Variants in USP40 observed in about 807,000 individuals in gnomAD.
USP40 encodes ubiquitin specific peptidase 40.
USP40 carries 143 observed loss-of-function variants against 166.2 expected under a neutral mutation model. The ratio of observed to expected loss-of-function variants is 0.86; its 90% CI spans 0.75 to 0.99. The LOEUF is 0.99. Ranked by LOEUF, USP40 falls within the 50% of genes least tolerant of loss-of-function variation. USP40 has a pLI of 0.00. For missense variants in USP40, 1,444 were observed against 1,479.7 expected (o/e 0.98, Z 0.40); for synonymous variants, 498 against 524.0 (o/e 0.95, Z 0.68).
chr2:233,498,848 A>G lies in USP40; in HGVS notation c.2651-236T>C, dbSNP rs917527590. On this transcript the variant is annotated intron_variant, in intron 22 of 31. Transcript: ENST00000678225. Reference sequence around the variant, plus strand: ...CCTGGAAAGTTGCTTCAGTTATCTTAGATTTATTTTTTTCATTCATTTTAC... The same window carrying G: ...CCTGGAAAGTTGCTTCAGTTATCTTGGATTTATTTTTTTCATTCATTTTAC... 5.3e-5 allele frequency among the ~76,000 whole-genome samples: 8 copies of G among 152,302 alleles called. No individual in the cohort carries two copies. In the South Asian group the frequency reaches 1.7e-3, roughly 32 times the overall value.
In USP40 at chr2:233,540,736, C is replaced by T. The variant is rs188718238; in HGVS notation, c.1096G>A (p.Gly366Ser). The stretch of plus-strand genomic sequence containing the variant: ...CCTATCTTTTTCAAAAGTTTCTGGC[C>T]CAGCTGATCAACAGGAATTAGATTA... ...ENNLIPVDQL[G>S]QKLLKKIGIS... The change falls in exon 10 of 32, where the codon GGC becomes AGC. Residue 366 changes from glycine to serine, a missense_variant. Gly to Ser is a moderately conservative substitution (Grantham distance 56, BLOSUM62 0). Transcript: ENST00000678225. 1,026 of 1,613,238 alleles carry T rather than the reference C, an allele frequency of 6.4e-4. 14 individuals are homozygous for T. In the East Asian group the frequency reaches 0.015, roughly 24 times the overall value.
At chr2:233,482,438 G>A (rs2064674747) in intron 30 of USP40, among the ~76,000 whole-genome samples, 1 of 151,780 alleles carries the variant, frequency 6.6e-6, no homozygotes. Context: ...GCATATCCAT[G>A]TGTCTCCACA....
intron 3 of USP40, 23 bp from the exon 4 acceptor site, chr2:233,559,947 T>C (rs750755612): frequency 1.0e-4 from 154 of 1,542,632 alleles, no homozygotes; most frequent in Non-Finnish European, 1.4e-4. Context: ...CAAACACATT[T>C]CTAAATGAAT....
intron 31 of USP40, among the ~76,000 whole-genome samples, chr2:233,479,925 C>T (rs2125017872): frequency 6.6e-6 from 1 of 150,942 alleles, no homozygotes; most frequent in Non-Finnish European, 1.5e-5. Flanking sequence ...GCTTGCGGAG[C>T]TCACACAGTC....
At chr2:233,558,032 T>C (rs2071255415) in intron 4 of USP40, among the ~76,000 whole-genome samples, 1 of 146,402 alleles carries the variant, frequency 6.8e-6, no homozygotes, top group Non-Finnish European at 1.5e-5. Flanking sequence ...AAAAGTTTTG[T>C]GTGAAGAGCA....
At chr2:233,562,851 T>TA in intron 2 of USP40, 48 bp from the exon 3 acceptor site, 1 of 1,439,728 alleles carries the variant, frequency 6.9e-7, no homozygotes, top group Non-Finnish European at 9.3e-7. Flanking sequence ...CATTTCATTT[T>TA]AAAAAATTGT....
intron 15 of USP40, among the ~76,000 whole-genome samples, chr2:233,523,921 G>A (rs911534991): frequency 6.6e-6 from 1 of 152,128 alleles, no homozygotes; most frequent in Non-Finnish European, 1.5e-5. Flanking sequence ...CACGTATGGT[G>A]CAGTTCTTCA....
chr2:233,489,590 A>G, intron 26 of USP40, 107 bp from the exon 27 acceptor site: 1 of 848,564 alleles, frequency 1.2e-6, no homozygotes, highest in South Asian at 1.8e-5. Flanking sequence ...TCTCAAGGAA[A>G]GAGTATCTCA....
chr2:233,551,991 T>C (rs1310914407), intron 6 of USP40, among the ~76,000 whole-genome samples: 1 of 152,160 alleles, frequency 6.6e-6, no homozygotes, highest in African/African-American at 2.4e-5. Context: ...ATAGCTTTCA[T>C]GAGACTTGCA....
intron 21 of USP40, among the ~76,000 whole-genome samples, chr2:233,509,031 C>A (rs2066618567): frequency 6.6e-6 from 1 of 152,092 alleles, no homozygotes; most frequent in African/African-American, 2.4e-5. Flanking sequence ...TATTTCCTGA[C>A]CTAGATATAT....
At position 233,510,729 on chromosome 2, in the gene USP40, A is replaced by C. The variant is rs542166558; in HGVS notation, c.2527-594T>G. ...AACATACACTATTTCTTCTACTATGATCTCCATCTCTGTCTCGATCACTCC... is the reference window on the plus strand; with the variant it reads ...AACATACACTATTTCTTCTACTATGCTCTCCATCTCTGTCTCGATCACTCC... On this transcript the variant is annotated intron_variant, in intron 20 of 31. Transcript: ENST00000678225. Among the ~76,000 whole-genome samples, 7 of 152,042 alleles carry C rather than the reference A, an allele frequency of 4.6e-5. No homozygotes were observed. The South Asian group carries it at 1.5e-3, about 32-fold the overall frequency.
intron 20 of USP40, among the ~76,000 whole-genome samples, chr2:233,510,913 C>A (rs180802547): frequency 6.6e-6 from 1 of 152,274 alleles, no homozygotes; most frequent in Admixed American, 6.5e-5. Context: ...TTCCTCATAG[C>A]CCTGCTTTTC....
In USP40 at chr2:233,549,243, G is replaced by A; in HGVS notation, c.838-14C>T. 1 of 1,320,192 alleles carries A rather than the reference G, an allele frequency of 7.6e-7. No homozygotes were observed. The highest frequency in any genetic ancestry group is 1.0e-6 in the Non-Finnish European group (1 of 973,330). The allele number at this position is 1,320,192 out of a possible 1,614,324, so 81.8% of individuals were successfully genotyped here. A position where few individuals can be genotyped will look rare whatever the true frequency, so the allele number is the denominator to read the frequency against. On this transcript the variant is annotated splice_polypyrimidine_tract_variant and intron_variant, in intron 7 of 31. Coordinates refer to ENST00000678225, the MANE Select transcript of USP40 (RefSeq NM_001365479.2). Reference sequence around the variant, plus strand: ...ATCCAATTCACTCTAAAAGAAAAAAGAACAAAAATATTGATATAGTTTTCA... The same window carrying A: ...ATCCAATTCACTCTAAAAGAAAAAAAAACAAAAATATTGATATAGTTTTCA...
intron 19 of USP40, 72 bp downstream of exon 19, chr2:233,512,497 T>C (rs1391825966): frequency 5.8e-6 from 6 of 1,034,926 alleles, no homozygotes; most frequent in African/African-American, 1.7e-5. Context: ...ATATTAGGTA[T>C]TGGAGGCCAC....
At chr2:233,540,597 A>C in intron 10 of USP40, 65 bp downstream of exon 10, 1 of 966,660 alleles carries the variant, frequency 1.0e-6, no homozygotes, top group Non-Finnish European at 1.6e-6. Flanking sequence ...AAAGGAATTC[A>C]TGTTGTTGCG....
At chr2:233,478,949 T>G (rs1252827028) in intron 31 of USP40, among the ~76,000 whole-genome samples, 1 of 152,130 alleles carries the variant, frequency 6.6e-6, no homozygotes, top group African/African-American at 2.4e-5. Context: ...GTGAACCTCT[T>G]TGGTGGCTTT....
At chr2:233,525,607 T>C (rs1163591754) in intron 13 of USP40, 45 bp from the exon 14 acceptor site, 15 of 1,442,056 alleles carry the variant, frequency 1.0e-5, no homozygotes, top group Non-Finnish European at 1.5e-5. Flanking sequence ...AAAAGTGACA[T>C]ATACATATCA....
In USP40 at chr2:233,512,407, T is replaced by G. The variant is rs75802569; in HGVS notation, c.2437+162A>C. The stretch of plus-strand genomic sequence containing the variant: ...GAAAACAGAAGTGTTTGTTTCTGGT[T>G]AAGGATTTCTGCAATATAAAGGTAA... On this transcript the variant is annotated intron_variant, in intron 19 of 31. Coordinates refer to ENST00000678225, the MANE Select transcript of USP40 (RefSeq NM_001365479.2). 252 of 388,710 alleles carry G rather than the reference T, an allele frequency of 6.5e-4. 3 individuals are homozygous for G. The highest frequency in any genetic ancestry group is 4.7e-3 in the African/African-American group (227 of 47,878). The allele number at this position is 388,710 out of a possible 1,614,324, so 24.1% of individuals were successfully genotyped here. A position where few individuals can be genotyped will look rare whatever the true frequency, so the allele number is the denominator to read the frequency against.
chr2:233,540,133 A>C (rs544244746), intron 10 of USP40, among the ~76,000 whole-genome samples: 65 of 151,794 alleles, frequency 4.3e-4, no homozygotes, highest in South Asian at 1.7e-3. Context: ...CAAAAAAAAA[A>C]AAAAAACAAA....
Sources: allele counts gnomAD v4.1 joint callset (sites outside exome capture counted in the v4.1 genomes callset), GRCh38; gene constraint gnomAD v4.1.1; transcripts MANE v1.5; gene names NCBI Gene and HGNC (gene_info 2026-07-23, HGNC 2026-07-21).